Variants in ATP8A2 observed in about 807,000 individuals in gnomAD.
ATP8A2 encodes the protein phospholipid-transporting ATPase IB.
In ATP8A2, 100 loss-of-function variants were observed where a neutral mutation model predicts 165.6. That is an observed-to-expected ratio of 0.60 (90% confidence interval 0.51 to 0.71). ATP8A2 has a LOEUF of 0.71. Ranked by LOEUF, ATP8A2 falls within the 30% of genes least tolerant of loss-of-function variation. The pLI, the probability that ATP8A2 is intolerant of heterozygous loss-of-function variation, is 0.00. For missense variants in ATP8A2, 1,227 were observed against 1,479.5 expected, an observed-to-expected ratio of 0.83 and a Z score of 2.80; for synonymous variants, 543 against 548.8, an observed-to-expected ratio of 0.99 and a Z score of 0.15.
chr13:25,567,344 C>T (rs2039344951), intron 16 of ATP8A2: 1 of 456,620 alleles, frequency 2.2e-6, no homozygotes, highest in African/African-American at 2.0e-5. Flanking sequence ...CTGACTCCTC[C>T]TTGGTGGCCA....
At chr13:25,825,130 T>TTGTGTA (rs1232084326) in intron 27 of ATP8A2, among the ~76,000 whole-genome samples, 1 of 149,692 alleles carries the variant, frequency 6.7e-6, no homozygotes, top group Non-Finnish European at 1.5e-5. Flanking sequence ...CATAGTTTCA[T>TTGTGTA]TGTGTATGTG....
chr13:25,554,773 T>C (rs1323998288), intron 12 of ATP8A2, among the ~76,000 whole-genome samples: 2 of 152,154 alleles, frequency 1.3e-5, no homozygotes, highest in African/African-American at 4.8e-5. Context: ...TTGGCCAGGC[T>C]GGTCTCGAAC....
At chr13:25,832,430 C>G (rs998154114) in intron 28 of ATP8A2, among the ~76,000 whole-genome samples, 2 of 152,160 alleles carry the variant, frequency 1.3e-5, no homozygotes, top group Admixed American at 1.3e-4. Context: ...AGGCCAGTCT[C>G]ACTTATAAAC....
intron 2 of ATP8A2, among the ~76,000 whole-genome samples, chr13:25,521,609 G>A (rs556809552): frequency 9.9e-5 from 15 of 152,186 alleles, no homozygotes; most frequent in African/African-American, 2.7e-4. Flanking sequence ...AGTTTTCCCG[G>A]CATCATTTAT....
At chr13:25,583,520 G>A (rs954664786) in intron 23 of ATP8A2, among the ~76,000 whole-genome samples, 6 of 152,124 alleles carry the variant, frequency 3.9e-5, no homozygotes, top group African/African-American at 1.4e-4. Flanking sequence ...GTGTGTTCTT[G>A]GATGTGCCCT....
At chr13:25,764,863 T>A (rs1016496498) in intron 25 of ATP8A2, among the ~76,000 whole-genome samples, 1 of 152,192 alleles carries the variant, frequency 6.6e-6, no homozygotes, top group Non-Finnish European at 1.5e-5. Context: ...AGTGTACAAA[T>A]CTACAATCGA....
chr13:25,951,536 G>A (rs1345400716), intron 33 of ATP8A2, among the ~76,000 whole-genome samples: 1 of 152,214 alleles, frequency 6.6e-6, no homozygotes, highest in African/African-American at 2.4e-5. Flanking sequence ...TAATGGAAAT[G>A]TTCTATATTT....
intron 33 of ATP8A2, among the ~76,000 whole-genome samples, chr13:25,937,066 C>T (rs564683373): frequency 3.3e-5 from 5 of 152,062 alleles, no homozygotes; most frequent in African/African-American, 4.8e-5. Context: ...TCTTTTTCTG[C>T]GATAAGCATA....
intron 10 of ATP8A2, among the ~76,000 whole-genome samples, chr13:25,546,234 T>C (rs548024149): frequency 2.8e-4 from 42 of 152,312 alleles, no homozygotes; most frequent in South Asian, 6.2e-4. Context: ...ATTTTGTGAG[T>C]GTGAGAGGCA....
intron 33 of ATP8A2, among the ~76,000 whole-genome samples, chr13:25,939,928 T>A (rs1240703975): frequency 1.3e-5 from 2 of 152,220 alleles, no homozygotes. Flanking sequence ...CTTCTTGTCC[T>A]TAACTCCCCT....
chr13:25,969,571 A>G (rs541091079), intron 35 of ATP8A2, among the ~76,000 whole-genome samples: 1 of 152,352 alleles, frequency 6.6e-6, no homozygotes, highest in African/African-American at 2.4e-5. Context: ...TATTTGTACC[A>G]TCTTTTAAAG....
At chr13:25,730,126 CA>C (rs535720214) in intron 25 of ATP8A2, among the ~76,000 whole-genome samples, 314 of 152,106 alleles carry the variant, frequency 2.1e-3, no homozygotes, top group African/African-American at 7.2e-3. Flanking sequence ...CCCATCTCTA[CA>C]AAAAATACAA....
intron 33 of ATP8A2, among the ~76,000 whole-genome samples, chr13:25,947,731 G>T (rs530410936): frequency 1.2e-4 from 19 of 152,274 alleles, no homozygotes; most frequent in African/African-American, 3.8e-4. Context: ...TTCTTCCTGG[G>T]GCCGTGACTC....
At chr13:25,591,401 A>G (rs569930082) in intron 24 of ATP8A2, 80 of 456,284 alleles carry the variant, frequency 1.8e-4, no homozygotes, top group South Asian at 1.2e-3. Flanking sequence ...GTTCAATCAT[A>G]TAGTATTTGT....
chr13:25,372,295 TG>T lies in ATP8A2; in HGVS notation c.76+10del. The T allele has an allele frequency of 2.0e-6, 2 of 993,600 alleles. No homozygotes were observed. Among genetic ancestry groups the T allele is most frequent in the East Asian group, 4.8e-5 (1 of 21,022 alleles). The allele number at this position is 993,600 out of a possible 1,614,324, so 61.5% of individuals were successfully genotyped here. On this transcript the variant is annotated splice_region_variant and intron_variant, in intron 1 of 36. Coordinates refer to ENST00000381655, the MANE Select transcript of ATP8A2 (RefSeq NM_016529.6). The surrounding 1 kb of genome is among the most constrained non-coding windows in gnomAD (Gnocchi z 4.8). Reference sequence around the variant, plus strand: ...AGGATCCGCTCGTCCGTGGGTGAGCTGGGAGGGGCGCGGCGAGGGAGGGTGG... The same window carrying T: ...AGGATCCGCTCGTCCGTGGGTGAGCTGGAGGGGCGCGGCGAGGGAGGGTGG...
intron 4 of ATP8A2, among the ~76,000 whole-genome samples, chr13:25,531,253 G>GAT (rs1276063259): frequency 1.1e-4 from 2 of 18,882 alleles, no homozygotes; most frequent in African/African-American, 3.4e-4. Context: ...TGTTATATAT[G>GAT]ATATATATGA....
intron 24 of ATP8A2, among the ~76,000 whole-genome samples, chr13:25,593,128 G>A (rs1176324519): frequency 6.6e-6 from 1 of 152,056 alleles, no homozygotes; most frequent in African/African-American, 2.4e-5. Flanking sequence ...GTGGGGAGGG[G>A]GATAAAAGCA....
At chr13:25,656,109 C>T (rs981037541) in intron 24 of ATP8A2, among the ~76,000 whole-genome samples, 1 of 152,112 alleles carries the variant, frequency 6.6e-6, no homozygotes, top group African/African-American at 2.4e-5. Flanking sequence ...CCTATGCCTT[C>T]GTGTCCTTTT....
chr13:25,996,025 T>C (rs1956494194), intron 35 of ATP8A2, among the ~76,000 whole-genome samples: 1 of 152,178 alleles, frequency 6.6e-6, no homozygotes, highest in African/African-American at 2.4e-5. Context: ...CATTGCATAA[T>C]GTCCTTCATT....
Sources: allele counts gnomAD v4.1 joint callset (sites outside exome capture counted in the v4.1 genomes callset), GRCh38; gene constraint gnomAD v4.1.1; non-coding constraint Gnocchi (gnomAD v3.1); transcripts MANE v1.5; gene names NCBI Gene and HGNC (gene_info 2026-07-23, HGNC 2026-07-21).